The following PPP2R2C variants were observed in gnomAD, a reference collection of about 807,000 sequenced individuals.
The protein encoded by PPP2R2C is protein phosphatase 2, regulatory subunit B, gamma.
PPP2R2C carries 10 observed loss-of-function variants against 45.3 expected under a neutral mutation model. The ratio of observed to expected loss-of-function variants is 0.22; its 90% confidence interval spans 0.14 to 0.37. PPP2R2C has a LOEUF of 0.37. PPP2R2C is among the 10% of genes least tolerant of loss of function. The probability of loss-of-function intolerance (pLI) is 1.00; values close to 1 mark genes in which losing one functional copy is unlikely to be tolerated. For missense variants in PPP2R2C, 308 were observed against 619.7 expected (o/e 0.50, Z 5.34); for synonymous variants, 257 against 245.4 (o/e 1.05, Z -0.44).
intron 2 of PPP2R2C, among the ~76,000 whole-genome samples, chr4:6,487,144 C>A (rs1722555007): frequency 2.0e-5 from 3 of 151,990 alleles, no homozygotes; most frequent in Admixed American, 6.6e-5. Flanking sequence ...CTTCTATTCT[C>A]CCCTCTCAGC....
At chr4:6,524,405 G>A (rs78596185) in intron 2 of PPP2R2C, among the ~76,000 whole-genome samples, 2 of 152,164 alleles carry the variant, frequency 1.3e-5, no homozygotes, top group African/African-American at 4.8e-5. Flanking sequence ...AGGAGGAATG[G>A]GAGTGACTGC....
At chr4:6,489,422 C>T (rs758723792) in intron 2 of PPP2R2C, among the ~76,000 whole-genome samples, 3 of 152,104 alleles carry the variant, frequency 2.0e-5, no homozygotes, top group African/African-American at 4.8e-5. Flanking sequence ...ACCTCCTATT[C>T]CTCCTCATGC....
rs77315627 is a variant in PPP2R2C at position 6,555,125 on chromosome 4, G to A, written c.-59+8435C>T. On this transcript the variant is annotated intron_variant, in intron 1 of 9. Coordinates refer to the PPP2R2C transcript ENST00000506140. ...TTCAAGGATGGCGCCTTCTCACTGCGTCCTCACATGGTAGATATCTGCCTC... is the reference window on the plus strand; with the variant it reads ...TTCAAGGATGGCGCCTTCTCACTGCATCCTCACATGGTAGATATCTGCCTC... Among the ~76,000 whole-genome samples the A allele has an allele frequency of 4.8e-3, 725 of 152,172 alleles. 2 individuals are homozygous for A. Among genetic ancestry groups the A allele is most frequent in the Non-Finnish European group, 7.0e-3 (479 of 67,996 alleles).
At chr4:6,476,851 T>C, upstream of PPP2R2C, among the ~76,000 whole-genome samples, 1 of 152,254 alleles carries the variant, frequency 6.6e-6, no homozygotes, top group Non-Finnish European at 1.5e-5. Context: ...TGTAATATTC[T>C]ATGGCAGAAA....
intron 2 of PPP2R2C, among the ~76,000 whole-genome samples, chr4:6,510,671 G>T (rs1032531725): frequency 2.6e-5 from 4 of 152,048 alleles, no homozygotes; most frequent in African/African-American, 9.7e-5. Context: ...ATACGGAGGA[G>T]GCCCTCTTAG....
At chr4:6,417,332 A>G (rs1301195576) in intron 1 of PPP2R2C, among the ~76,000 whole-genome samples, 1 of 152,242 alleles carries the variant, frequency 6.6e-6, no homozygotes. Flanking sequence ...CCTCGGGGTT[A>G]CGTGAATTAA....
chr4:6,529,239 C>T (rs1468846782), intron 2 of PPP2R2C, among the ~76,000 whole-genome samples: 1 of 152,244 alleles, frequency 6.6e-6, no homozygotes, highest in Non-Finnish European at 1.5e-5. Flanking sequence ...GGAAGCGACG[C>T]AGGAGCTCCC....
At chr4:6,525,510 A>T (rs932987736) in intron 2 of PPP2R2C, among the ~76,000 whole-genome samples, 30 of 151,340 alleles carry the variant, frequency 2.0e-4, no homozygotes, top group Admixed American at 2.0e-3. Context: ...TTAAAAAAAA[A>T]CCTGAGTTCC....
At chr4:6,384,950 T>C in intron 1 of PPP2R2C, 1 of 727,250 alleles carries the variant, frequency 1.4e-6, no homozygotes, top group Non-Finnish European at 1.7e-6. Flanking sequence ...TTTCATTATC[T>C]GTAGTGTGCT....
rs570649615 is a variant in PPP2R2C, at chr4:6,324,221, T to G, written c.1053-628A>C. On this transcript the variant is annotated intron_variant, in intron 8 of 8. Transcript: ENST00000382599. This position sits in a 1 kb window ranked among gnomAD's most constrained non-coding sequence, Gnocchi z 4.1. ...CCAAGGCGGGCAGATCACCTGAGGT[T>G]AGGAGTTTGAGACCAGCCTGGCCAA... Among the ~76,000 whole-genome samples, 6 of 152,098 alleles carry G rather than the reference T, an allele frequency of 3.9e-5. No homozygotes were observed. Among genetic ancestry groups the G allele is most frequent in the Non-Finnish European group, 8.8e-5 (6 of 67,982 alleles).
rs1033789317 is a variant in PPP2R2C at position 6,329,563 on chromosome 4, G to A, written c.961-210C>T. On this transcript the variant is annotated intron_variant, in intron 7 of 8. Coordinates refer to ENST00000382599, the MANE Select transcript of PPP2R2C (RefSeq NM_020416.4). This position sits in a 1 kb window ranked among gnomAD's most constrained non-coding sequence, Gnocchi z 5.8. ...GAGGCCCATGACCAGGCACACGGCTGACCCCGACCGTGACACAGCCCAATA... is the reference window on the plus strand; with the variant it reads ...GAGGCCCATGACCAGGCACACGGCTAACCCCGACCGTGACACAGCCCAATA... 6.6e-6 allele frequency among the ~76,000 whole-genome samples: 1 copy of A among 151,780 alleles called. No individual in the cohort carries two copies. The highest frequency in any genetic ancestry group is 1.9e-4 in the East Asian group (1 of 5,170).
chr4:6,347,142 C>T (rs994736284), intron 6 of PPP2R2C, among the ~76,000 whole-genome samples: 1 of 152,154 alleles, frequency 6.6e-6, no homozygotes, highest in Non-Finnish European at 1.5e-5. Flanking sequence ...TGACCTTGGG[C>T]CAATAACTGG....
intron 1 of PPP2R2C, chr4:6,421,181 G>T: frequency 1.0e-6 from 1 of 961,472 alleles, no homozygotes; most frequent in Non-Finnish European, 1.2e-6. Flanking sequence ...ATGACCAGTG[G>T]GGGCCAATCA....
At chr4:6,454,479 C>T (rs924159969) in intron 1 of PPP2R2C, among the ~76,000 whole-genome samples, 4 of 152,120 alleles carry the variant, frequency 2.6e-5, no homozygotes, top group African/African-American at 4.8e-5. Flanking sequence ...TGAGACTGCA[C>T]GCTGGAGAGG....
rs1300451538 is a variant in PPP2R2C at position 6,349,030 on chromosome 4, G to A, written c.626-1020C>T. 6 of 985,302 alleles carry A rather than the reference G, an allele frequency of 6.1e-6. No homozygotes were observed. The African/African-American group carries it at 8.7e-5, about 14-fold the overall frequency. The allele number at this position is 985,302 out of a possible 1,614,324, so 61.0% of individuals were successfully genotyped here. Reference sequence around the variant, plus strand: ...CACAACCTCCCCGGCCCCAGCACCTGCTCTTTTCCTATCCCTTCCCTGCTG... The same window carrying A: ...CACAACCTCCCCGGCCCCAGCACCTACTCTTTTCCTATCCCTTCCCTGCTG... On this transcript the variant is annotated intron_variant, in intron 5 of 8. Coordinates refer to ENST00000382599, the MANE Select transcript of PPP2R2C (RefSeq NM_020416.4).
intron 1 of PPP2R2C, among the ~76,000 whole-genome samples, chr4:6,420,734 G>C (rs1418068050): frequency 6.6e-6 from 1 of 152,154 alleles, no homozygotes; most frequent in Non-Finnish European, 1.5e-5. Context: ...TGCCCAGTAA[G>C]AGGACTGGTT....
At chr4:6,335,997 A>G (rs1180129906) in intron 6 of PPP2R2C, among the ~76,000 whole-genome samples, 1 of 152,038 alleles carries the variant, frequency 6.6e-6, no homozygotes, top group Non-Finnish European at 1.5e-5. Context: ...CTCTGCCCTC[A>G]AAGCCATGGC....
intron 2 of PPP2R2C, among the ~76,000 whole-genome samples, chr4:6,529,845 G>C (rs66468767): frequency 0.27 from 40,790 of 152,024 alleles, 6,740 homozygotes; most frequent in Admixed American, 0.35. Flanking sequence ...TCTCTGCTTG[G>C]GAAGGCCTCC....
chr4:6,399,062 G>A (rs1335913114), intron 1 of PPP2R2C, among the ~76,000 whole-genome samples: 1 of 152,172 alleles, frequency 6.6e-6, no homozygotes, highest in Non-Finnish European at 1.5e-5. Context: ...GTGACCAAAG[G>A]CAAATCACTG....
Sources: allele counts gnomAD v4.1 joint callset (sites outside exome capture counted in the v4.1 genomes callset), GRCh38; gene constraint gnomAD v4.1.1; non-coding constraint Gnocchi (gnomAD v3.1); transcripts MANE v1.5; gene names NCBI Gene and HGNC (gene_info 2026-07-23, HGNC 2026-07-21).